The following UBE2W variants were observed in gnomAD, a reference collection of about 807,000 sequenced individuals.
The protein encoded by UBE2W is ubiquitin conjugating enzyme E2 W.
UBE2W carries 18 observed loss-of-function variants against 27.2 expected under a neutral mutation model. The observed-to-expected ratio is 0.66, with a 90% confidence interval of 0.46 to 0.98. The LOEUF is 0.98. UBE2W is among the 50% of genes least tolerant of loss of function. UBE2W has a pLI of 0.00. For missense variants in UBE2W, 90 were observed against 180.2 expected (o/e 0.50, Z 2.87); for synonymous variants, 53 against 57.2 (o/e 0.93, Z 0.33).
In UBE2W at chr8:73,793,031, C is replaced by A. The variant is rs188793043; in HGVS notation, c.*1071G>T. Reference sequence around the variant, plus strand: ...GGATTAAAGGACAAGATGATACTCACAAGTAAAGAAAATTTACAAGAAAAA... The same window carrying A: ...GGATTAAAGGACAAGATGATACTCAAAAGTAAAGAAAATTTACAAGAAAAA... On this transcript the variant is annotated 3_prime_UTR_variant, in exon 6 of 6. Transcript: ENST00000602593. 1.0e-6 allele frequency: 1 copy of A among 985,346 alleles called. No homozygotes were observed. Among genetic ancestry groups the A allele is most frequent in the Non-Finnish European group, 1.2e-6 (1 of 829,548 alleles). 61.0% of individuals were successfully genotyped at this position (985,346 alleles called of 1,614,324 possible). A position where few individuals can be genotyped will look rare whatever the true frequency, so the allele number is the denominator to read the frequency against.
At chr8:73,839,593 T>C (rs988383541) in intron 1 of UBE2W, among the ~76,000 whole-genome samples, 1 of 151,180 alleles carries the variant, frequency 6.6e-6, no homozygotes, top group Non-Finnish European at 1.5e-5. Context: ...GGAGGCAGAG[T>C]TTGCAGTGAG....
intron 1 of UBE2W, among the ~76,000 whole-genome samples, chr8:73,853,446 GACA>G (rs1290018950): frequency 3.2e-4 from 48 of 152,090 alleles, no homozygotes; most frequent in Non-Finnish European, 5.4e-4. Context: ...TTTTTATAGA[GACA>G]GGGTCTTGCT....
At chr8:73,839,524 G>A (rs1319409245) in intron 1 of UBE2W, among the ~76,000 whole-genome samples, 1 of 151,568 alleles carries the variant, frequency 6.6e-6, no homozygotes, top group Admixed American at 6.6e-5. Context: ...GGGCATGGTG[G>A]CACATGCCTG....
Position 73,789,147 on chromosome 8 carries a change from A to C in UBE2W, c.*4955T>G, listed in dbSNP as rs1031261223. The C allele has an allele frequency of 6.1e-5, 60 of 984,862 alleles. No individual in the cohort carries two copies. Among genetic ancestry groups the C allele is most frequent in the Non-Finnish European group, 6.9e-5 (57 of 829,832 alleles). The allele number at this position is 984,862 out of a possible 1,614,324, so 61.0% of individuals were successfully genotyped here. On this transcript the variant is annotated 3_prime_UTR_variant, in exon 6 of 6. Transcript: ENST00000602593. Reference sequence around the variant, plus strand: ...ACATGTCTAGATTCTATGTGCCTCTAATGATAATGATGTACATAAACCTGT... The same window carrying C: ...ACATGTCTAGATTCTATGTGCCTCTCATGATAATGATGTACATAAACCTGT...
At chr8:73,842,528 C>CAAAA (rs759063478) in intron 1 of UBE2W, among the ~76,000 whole-genome samples, 118 of 9,676 alleles carry the variant, frequency 0.012, 33 homozygotes, top group African/African-American at 0.03. Context: ...GACTCCGTCT[C>CAAAA]AAAAAAAAAA....
chr8:73,843,767 A>C (rs575408988), intron 1 of UBE2W, among the ~76,000 whole-genome samples: 1 of 133,346 alleles, frequency 7.5e-6, no homozygotes, highest in Non-Finnish European at 1.6e-5. Context: ...AAAATATGAA[A>C]GGTAGAGACA....
At chr8:73,782,322 A>C (rs1807861724), downstream of UBE2W, among the ~76,000 whole-genome samples, 1 of 152,108 alleles carries the variant, frequency 6.6e-6, no homozygotes, top group Non-Finnish European at 1.5e-5. Flanking sequence ...TGAGATTGAC[A>C]TATACCTCTG....
chr8:73,809,925 T>C (rs553594297), intron 4 of UBE2W, among the ~76,000 whole-genome samples: 254 of 152,078 alleles, frequency 1.7e-3, no homozygotes, highest in African/African-American at 5.8e-3. Flanking sequence ...TTGTTTTTTT[T>C]CCCCCCACTT....
chr8:73,789,228 T>C lies in UBE2W; in HGVS notation c.*4874A>G, dbSNP rs1302329172. 2.5e-5 allele frequency: 24 copies of C among 969,070 alleles called. No homozygotes were observed. The highest frequency in any genetic ancestry group is 2.9e-5 in the Non-Finnish European group (24 of 825,142). 60.0% of individuals were successfully genotyped at this position (969,070 alleles called of 1,614,324 possible). A position where few individuals can be genotyped will look rare whatever the true frequency, so the allele number is the denominator to read the frequency against. On this transcript the variant is annotated 3_prime_UTR_variant, in exon 6 of 6. Transcript: ENST00000602593. Reference sequence around the variant, plus strand: ...GCTTGCACCTGTAATCCCAGCATTTTGGGAGGCTGAGGCAGGAGGAATGCT... The same window carrying C: ...GCTTGCACCTGTAATCCCAGCATTTCGGGAGGCTGAGGCAGGAGGAATGCT...
At chr8:73,828,624 A>T (rs1385138549) in intron 2 of UBE2W, among the ~76,000 whole-genome samples, 1 of 152,156 alleles carries the variant, frequency 6.6e-6, no homozygotes, top group Non-Finnish European at 1.5e-5. Context: ...TTCTTCCAGA[A>T]AATTAAAAAA....
At chr8:73,847,881 A>C (rs1810883442) in intron 1 of UBE2W, among the ~76,000 whole-genome samples, 1 of 151,508 alleles carries the variant, frequency 6.6e-6, no homozygotes, top group Admixed American at 6.6e-5. Flanking sequence ...CAGCCTAGGC[A>C]ACAAGAGTGA....
At chr8:73,878,718 G>T in intron 1 of UBE2W, 90 bp downstream of exon 1, 1 of 1,194,296 alleles carries the variant, frequency 8.4e-7, no homozygotes, top group Non-Finnish European at 1.2e-6. Flanking sequence ...CCGCCCGGGT[G>T]TCCCCGAATC....
At chr8:73,841,070 C>G (rs1006956437) in intron 1 of UBE2W, among the ~76,000 whole-genome samples, 2 of 151,954 alleles carry the variant, frequency 1.3e-5, no homozygotes, top group Admixed American at 6.6e-5. Flanking sequence ...ATAAAATGAC[C>G]AAGAATGTTT....
In UBE2W at chr8:73,793,186, G is replaced by A. The variant is rs1218901094; in HGVS notation, c.*916C>T. 1.0e-6 allele frequency: 1 copy of A among 985,820 alleles called. No homozygotes were observed. Among genetic ancestry groups the A allele is most frequent in the Non-Finnish European group, 1.2e-6 (1 of 829,896 alleles). 61.1% of individuals were successfully genotyped at this position (985,820 alleles called of 1,614,324 possible). ...TAAATGAAATAGTGTTTAGGCAGTA[G>A]GGCTCATGCTGATGGCTAGCAGGAA... On this transcript the variant is annotated 3_prime_UTR_variant, in exon 6 of 6. Coordinates refer to ENST00000602593, the MANE Select transcript of UBE2W (RefSeq NM_018299.6).
In UBE2W at chr8:73,791,970, T is replaced by G; in HGVS notation, c.*2132A>C. ...ATTGTTAATCTTTGACTCAGTATAT[T>G]AATTCCTTTGGTGAATAAATGTCAC... is the stretch of plus-strand genomic sequence containing the variant. On this transcript the variant is annotated 3_prime_UTR_variant, in exon 6 of 6. Coordinates refer to ENST00000602593, the MANE Select transcript of UBE2W (RefSeq NM_018299.6). 1 of 985,302 alleles carries G rather than the reference T, an allele frequency of 1.0e-6. No homozygotes were observed. Among genetic ancestry groups the G allele is most frequent in the South Asian group, 4.7e-5 (1 of 21,284 alleles). 61.0% of individuals were successfully genotyped at this position (985,302 alleles called of 1,614,324 possible). A position where few individuals can be genotyped will look rare whatever the true frequency, so the allele number is the denominator to read the frequency against.
chr8:73,830,566 T>C, intron 1 of UBE2W, 94 bp from the exon 2 acceptor site: 2 of 883,800 alleles, frequency 2.3e-6, no homozygotes, highest in Admixed American at 2.0e-5. Flanking sequence ...GCTCACCACA[T>C]CCTCAAACTC....
intron 1 of UBE2W, among the ~76,000 whole-genome samples, chr8:73,844,979 G>T (rs542652109): frequency 8.3e-5 from 12 of 144,196 alleles, no homozygotes; most frequent in African/African-American, 2.5e-4. Context: ...AGCGAGGAGC[G>T]TCTCCGCCCT....
At chr8:73,822,602 C>CAAAAAAAAAAAAAAA (rs67427702) in intron 3 of UBE2W, among the ~76,000 whole-genome samples, 5 of 51,224 alleles carry the variant, frequency 9.8e-5, no homozygotes, top group Admixed American at 3.9e-4. Context: ...CTTGCAACTG[C>CAAAAAAAAAAAAAAA]AAAAAAAAAA....
At position 73,788,906 on chromosome 8, in the gene UBE2W, T is replaced by G; in HGVS notation, c.*5196A>C. 1.0e-6 allele frequency: 1 copy of G among 985,322 alleles called. No individual in the cohort carries two copies. Among genetic ancestry groups the G allele is most frequent in the Non-Finnish European group, 1.2e-6 (1 of 829,878 alleles). 61.0% of individuals were successfully genotyped at this position (985,322 alleles called of 1,614,324 possible). ...TGAGGTATGTTAAGATAGATCAGCTTCTATTCAGGCATTCCTTCCACATAC... is the reference window on the plus strand; with the variant it reads ...TGAGGTATGTTAAGATAGATCAGCTGCTATTCAGGCATTCCTTCCACATAC... On this transcript the variant is annotated 3_prime_UTR_variant, in exon 6 of 6. Coordinates refer to ENST00000602593, the MANE Select transcript of UBE2W (RefSeq NM_018299.6).
Sources: gnomAD v4.1 joint callset for allele counts (sites outside exome capture counted in the v4.1 genomes callset) on GRCh38, gnomAD v4.1.1 for gene constraint, MANE v1.5 for transcripts, NCBI Gene and HGNC (gene_info 2026-07-23, HGNC 2026-07-21) for gene names.